The following THRB variants were observed in gnomAD, a reference collection of about 807,000 sequenced individuals.
THRB encodes thyroid hormone receptor beta, also known as nuclear receptor subfamily 1 group A member 2.
THRB carries 12 observed loss-of-function variants against 47.8 expected under a neutral mutation model. That is an observed-to-expected ratio of 0.25 (90% CI 0.16 to 0.41). THRB has a LOEUF of 0.41. THRB is among the 10% of genes least tolerant of loss of function. The pLI, the probability that THRB is intolerant of heterozygous loss-of-function variation, is 1.00. For missense variants in THRB, 348 were observed against 589.2 expected (o/e 0.59, Z 4.24); for synonymous variants, 218 against 212.2 (o/e 1.03, Z -0.24).
intron 4 of THRB, among the ~76,000 whole-genome samples, chr3:24,201,070 A>C (rs1162208446): frequency 6.6e-6 from 1 of 152,178 alleles, no homozygotes; most frequent in African/African-American, 2.4e-5. Flanking sequence ...GTCTTGTGGA[A>C]GATAATTTAG....
At chr3:24,149,844 A>T (rs1225231077) in intron 6 of THRB, among the ~76,000 whole-genome samples, 1 of 152,238 alleles carries the variant, frequency 6.6e-6, no homozygotes, top group African/African-American at 2.4e-5. Flanking sequence ...CCTTTTAGAG[A>T]TGAGCTGACA....
intron 2 of THRB, among the ~76,000 whole-genome samples, chr3:24,302,398 G>A (rs1050337751): frequency 2.0e-5 from 3 of 152,074 alleles, no homozygotes; most frequent in Admixed American, 6.5e-5. Context: ...ATCATTTCTT[G>A]TTGTATCTTA....
chr3:24,427,784 C>T (rs2069913668), intron 1 of THRB, among the ~76,000 whole-genome samples: 3 of 152,082 alleles, frequency 2.0e-5, no homozygotes, highest in Admixed American at 6.6e-5. Context: ...ATAGTAGATT[C>T]CTTTCTTGGA....
At chr3:24,295,807 C>T (rs1001947310) in intron 3 of THRB, among the ~76,000 whole-genome samples, 2 of 152,166 alleles carry the variant, frequency 1.3e-5, no homozygotes, top group Non-Finnish European at 2.9e-5. Context: ...CTGTCAGGTT[C>T]CCTATCTGTA....
At chr3:24,300,369 C>T (rs1430804705) in intron 2 of THRB, among the ~76,000 whole-genome samples, 1 of 152,310 alleles carries the variant, frequency 6.6e-6, no homozygotes, top group African/African-American at 2.4e-5. Flanking sequence ...ATGTAGTTCT[C>T]GAATCTCTAT....
At chr3:24,209,767 A>G (rs572923175) in intron 4 of THRB, among the ~76,000 whole-genome samples, 15 of 152,330 alleles carry the variant, frequency 9.8e-5, no homozygotes, top group African/African-American at 3.6e-4. Context: ...TGGCACATGT[A>G]TACAAAATTA....
In THRB at chr3:24,474,634, G is replaced by C. The variant is rs547853269; in HGVS notation, c.-261+20018C>G. Among the ~76,000 whole-genome samples the C allele has an allele frequency of 2.0e-5, 3 of 152,218 alleles. No homozygotes were observed. In the South Asian group the frequency reaches 6.2e-4, roughly 32 times the overall value. On this transcript the variant is annotated intron_variant, in intron 1 of 10. Coordinates refer to ENST00000646209, the MANE Select transcript of THRB (RefSeq NM_001354712.2). ...GGAAAACAAAATCAAACAAAATACA[G>C]CTACAGCAACTCAAATACACAATCC... is the stretch of plus-strand genomic sequence containing the variant.
intron 3 of THRB, among the ~76,000 whole-genome samples, chr3:24,236,905 T>A (rs545709326): frequency 6.6e-6 from 1 of 152,148 alleles, no homozygotes; most frequent in Admixed American, 6.5e-5. Context: ...TTTCTCATGA[T>A]AGGAATCAGT....
chr3:24,464,621 G>T (rs1457760005), intron 1 of THRB, among the ~76,000 whole-genome samples: 1 of 152,030 alleles, frequency 6.6e-6, no homozygotes, highest in Non-Finnish European at 1.5e-5. Context: ...CTTTTAATGT[G>T]ATTAAATATA....
intron 3 of THRB, among the ~76,000 whole-genome samples, chr3:24,272,807 A>T (rs996831294): frequency 1.1e-4 from 16 of 152,290 alleles, no homozygotes; most frequent in African/African-American, 3.8e-4. Flanking sequence ...TTCCTTTTCA[A>T]ACTTCAAATA....
chr3:24,368,107 C>G (rs1220745297), intron 1 of THRB, among the ~76,000 whole-genome samples: 3 of 152,126 alleles, frequency 2.0e-5, no homozygotes, highest in Non-Finnish European at 4.4e-5. Flanking sequence ...TTTATAAACT[C>G]TTTCCCCTTA....
At chr3:24,357,360 A>C (rs1175366287) in intron 1 of THRB, among the ~76,000 whole-genome samples, 9 of 147,406 alleles carry the variant, frequency 6.1e-5, no homozygotes, top group South Asian at 2.1e-4. Context: ...AAAAAAAAAA[A>C]AAAAAAAAAA....
intron 8 of THRB, among the ~76,000 whole-genome samples, chr3:24,139,389 CTTTT>C (rs5847276): frequency 2.8e-5 from 4 of 144,102 alleles, no homozygotes; most frequent in Admixed American, 2.1e-4. Flanking sequence ...TCTTTTCTTT[CTTTT>C]TTTTTTTTGA....
intron 5 of THRB, among the ~76,000 whole-genome samples, chr3:24,160,254 C>A (rs1339498788): frequency 2.0e-5 from 3 of 152,124 alleles, no homozygotes; most frequent in African/African-American, 7.2e-5. Flanking sequence ...GGTAAAAGCA[C>A]AAAGCCAGAA....
intron 1 of THRB, among the ~76,000 whole-genome samples, chr3:24,358,846 T>G (rs994655827): frequency 6.6e-6 from 1 of 152,162 alleles, no homozygotes; most frequent in East Asian, 1.9e-4. Flanking sequence ...TGAGGTCAGA[T>G]TATAATATAG....
intron 1 of THRB, among the ~76,000 whole-genome samples, chr3:24,462,835 T>C (rs549367960): frequency 6.6e-6 from 1 of 152,132 alleles, no homozygotes; most frequent in East Asian, 1.9e-4. Flanking sequence ...CTGGGAAAAA[T>C]ACCCAGTTTC....
chr3:24,253,566 CCTAA>C (rs903207964), intron 3 of THRB, among the ~76,000 whole-genome samples: 9 of 152,174 alleles, frequency 5.9e-5, no homozygotes, highest in Non-Finnish European at 8.8e-5. Flanking sequence ...GAGCTGCTGG[CCTAA>C]CTGTCTCTTT....
At chr3:24,492,466 TA>T (rs1698298636) in intron 1 of THRB, among the ~76,000 whole-genome samples, 1 of 152,202 alleles carries the variant, frequency 6.6e-6, no homozygotes. Flanking sequence ...AGGTGACACG[TA>T]ATCTTACACT....
chr3:24,156,115 G>A (rs1161803685), intron 5 of THRB, among the ~76,000 whole-genome samples: 1 of 152,178 alleles, frequency 6.6e-6, no homozygotes, highest in African/African-American at 2.4e-5. Flanking sequence ...TAATTGCTAA[G>A]TATTATCTTG....
Sources: gnomAD v4.1 joint callset for allele counts (sites outside exome capture counted in the v4.1 genomes callset) on GRCh38, gnomAD v4.1.1 for gene constraint, MANE v1.5 for transcripts, NCBI Gene and HGNC (gene_info 2026-07-23, HGNC 2026-07-21) for gene names.